Variants in SRRM3 observed in about 807,000 individuals in gnomAD.
SRRM3 encodes serine/arginine repetitive matrix 3.
Under a neutral mutation model 66.2 loss-of-function variants are expected in SRRM3, and 27 were observed. The ratio of observed to expected loss-of-function variants is 0.41; its 90% CI spans 0.30 to 0.56. The LOEUF is 0.56. Among genes scored for constraint, SRRM3 ranks in the 20% least tolerant of loss-of-function variants. SRRM3 has a pLI of 0.32. For synonymous variants in SRRM3, 391 were observed against 414.9 expected (o/e 0.94, Z 0.70); for missense variants, 918 against 991.9 (o/e 0.93, Z 1.00).
At chr7:76,278,161 C>T (rs1802405493) in intron 11 of SRRM3, among the ~76,000 whole-genome samples, 3 of 152,124 alleles carry the variant, frequency 2.0e-5, no homozygotes. Context: ...AGCTGATGGT[C>T]TCCTGTTGAG....
At chr7:76,213,944 T>A (rs1800496288) in intron 1 of SRRM3, among the ~76,000 whole-genome samples, 1 of 151,898 alleles carries the variant, frequency 6.6e-6, no homozygotes, top group East Asian at 1.9e-4. Context: ...TAATTTTTTT[T>A]TCTTAATTTT....
At chr7:76,247,410 C>T (rs1801469580) in intron 2 of SRRM3, among the ~76,000 whole-genome samples, 1 of 152,084 alleles carries the variant, frequency 6.6e-6, no homozygotes, top group African/African-American at 2.4e-5. Flanking sequence ...GACGACCTCC[C>T]ATGGCTATAT....
rs1554612547 is a variant in SRRM3 at position 76,285,001 on chromosome 7, C to T, written c.1734-614C>T. ...CAGAGAGGCAGGGCTGGGACGTAGT[C>T]ACAGACACTTACACGCCAGCTTGGG... On this transcript the variant is annotated intron_variant, in intron 14 of 14. Transcript: ENST00000611745. The surrounding 1 kb of genome is among the most constrained non-coding windows in gnomAD (Gnocchi z 4.1). 1.3e-5 allele frequency among the ~76,000 whole-genome samples: 2 copies of T among 152,182 alleles called. No homozygotes were observed. Among genetic ancestry groups the T allele is most frequent in the South Asian group, 2.1e-4 (1 of 4,836 alleles).
At chr7:76,258,822 C>G (rs1228156579) in intron 3 of SRRM3, among the ~76,000 whole-genome samples, 1 of 151,538 alleles carries the variant, frequency 6.6e-6, no homozygotes, top group African/African-American at 2.4e-5. Context: ...TTTGGGAGGC[C>G]AAAGCTGGCA....
chr7:76,250,474 C>T (rs7777955), intron 3 of SRRM3, among the ~76,000 whole-genome samples: 55,572 of 151,866 alleles, frequency 0.37, 12,078 homozygotes, highest in East Asian at 0.6. Flanking sequence ...CCTCAGGTGA[C>T]CCACCCGCCT....
At chr7:76,207,067 A>T (rs782563108) in intron 1 of SRRM3, among the ~76,000 whole-genome samples, 4 of 152,138 alleles carry the variant, frequency 2.6e-5, no homozygotes, top group Non-Finnish European at 5.9e-5. Context: ...GTTGTACAGA[A>T]TCGTTCTGAT....
chr7:76,281,583 G>A lies in SRRM3; in HGVS notation c.1151G>A (p.Gly384Asp). The A allele has an allele frequency of 1.1e-5, 11 of 982,666 alleles. No homozygotes were observed. The highest frequency in any genetic ancestry group is 1.3e-5 in the Non-Finnish European group (11 of 829,416). The allele number at this position is 982,666 out of a possible 1,614,324, so 60.9% of individuals were successfully genotyped here. ...GRGGRAAGGA[G>D]RRRRRRRRRR... ...GGAGGCCGCGCGGCGGGCGGGGCGGGCAGGCGGCGGCGGCGGCGGCGTAGG... is the reference window on the plus strand; with the variant it reads ...GGAGGCCGCGCGGCGGGCGGGGCGGACAGGCGGCGGCGGCGGCGGCGTAGG... Residue 384 changes from glycine (G) to aspartate (D), a missense_variant, in exon 12 of 15, where the codon GGC (glycine) becomes GAC (aspartate). By Grantham distance (94) the Gly-to-Asp change is moderately conservative. Coordinates refer to ENST00000611745, the MANE Select transcript of SRRM3 (RefSeq NM_001110199.3).
intron 2 of SRRM3, among the ~76,000 whole-genome samples, chr7:76,238,661 AGTTT>A (rs1801206471): frequency 6.6e-6 from 1 of 151,376 alleles, no homozygotes; most frequent in African/African-American, 2.4e-5. Flanking sequence ...CCTCTTTTTT[AGTTT>A]GTTTGTTTCG....
intron 1 of SRRM3, among the ~76,000 whole-genome samples, chr7:76,203,151 C>A (rs1800202517): frequency 6.6e-6 from 1 of 152,168 alleles, no homozygotes; most frequent in Non-Finnish European, 1.5e-5. Context: ...AAAATAGGAC[C>A]CAGCTGGCTA....
intron 8 of SRRM3, among the ~76,000 whole-genome samples, chr7:76,262,716 T>C (rs904893035): frequency 8.6e-5 from 13 of 151,786 alleles, no homozygotes; most frequent in African/African-American, 3.1e-4. Context: ...CTTGGGAGGC[T>C]GAGGTAGGAG....
intron 3 of SRRM3, among the ~76,000 whole-genome samples, chr7:76,249,630 C>T (rs782590552): frequency 5.9e-5 from 9 of 152,354 alleles, no homozygotes; most frequent in South Asian, 2.1e-4. Flanking sequence ...CATTGCTGGC[C>T]GAGCTCCATG....
chr7:76,283,416 G>C (rs1227878033), intron 14 of SRRM3: 2 of 517,074 alleles, frequency 3.9e-6, no homozygotes, highest in Non-Finnish European at 7.3e-6. Context: ...GGCCGCAGCC[G>C]GCATGGAATT....
chr7:76,245,678 T>A (rs1241329539), intron 2 of SRRM3, among the ~76,000 whole-genome samples: 1 of 152,164 alleles, frequency 6.6e-6, no homozygotes, highest in Non-Finnish European at 1.5e-5. Flanking sequence ...CTTGTTGGTT[T>A]TTTGTTTGTT....
At chr7:76,220,858 T>G (rs782547393) in intron 1 of SRRM3, among the ~76,000 whole-genome samples, 1 of 152,086 alleles carries the variant, frequency 6.6e-6, no homozygotes, top group Non-Finnish European at 1.5e-5. Flanking sequence ...CTCCAGCTGC[T>G]GAATTATTGA....
At chr7:76,226,267 G>T (rs1468323956) in intron 1 of SRRM3, among the ~76,000 whole-genome samples, 1 of 152,232 alleles carries the variant, frequency 6.6e-6, no homozygotes, top group Non-Finnish European at 1.5e-5. Flanking sequence ...AGGAAACCCA[G>T]GCTTGGGCTT....
chr7:76,261,654 A>AG (rs1421919749), intron 8 of SRRM3, 73 bp downstream of exon 8: 34 of 1,526,604 alleles, frequency 2.2e-5, no homozygotes, highest in African/African-American at 9.6e-5. Flanking sequence ...CAATGATGGG[A>AG]GGGGGTTTTG....
intron 1 of SRRM3, among the ~76,000 whole-genome samples, chr7:76,216,374 C>T (rs994926246): frequency 7.2e-5 from 11 of 152,222 alleles, no homozygotes; most frequent in African/African-American, 2.2e-4. Flanking sequence ...TGGGTTCAAG[C>T]AGTCTTCCCA....
chr7:76,227,312 A>C (rs1177980427), intron 1 of SRRM3, among the ~76,000 whole-genome samples: 2 of 152,020 alleles, frequency 1.3e-5, no homozygotes, highest in Non-Finnish European at 2.9e-5. Flanking sequence ...ATAGCTCTAG[A>C]CTCCATATCT....
intron 1 of SRRM3, among the ~76,000 whole-genome samples, chr7:76,233,029 G>A (rs942954827): frequency 6.6e-6 from 1 of 152,036 alleles, no homozygotes; most frequent in East Asian, 1.9e-4. Flanking sequence ...GGGGCTGGGC[G>A]CGGTGGCTCA....
Sources: gnomAD v4.1 joint callset for allele counts (sites outside exome capture counted in the v4.1 genomes callset) on GRCh38, gnomAD v4.1.1 for gene constraint, Gnocchi (gnomAD v3.1) non-coding constraint, MANE v1.5 for transcripts, NCBI Gene and HGNC (gene_info 2026-07-23, HGNC 2026-07-21) for gene names.